The following LOC400499 variants were observed in gnomAD, a reference collection of about 807,000 sequenced individuals.
the LOC400499 span, chr16:11,399,401 A>T: frequency 3.8e-6 from 2 of 520,670 alleles, no homozygotes. Context: ...GTGGCCCCAG[A>T]GCTGGACGCT....
At chr16:11,460,696 C>T in the LOC400499 span, 5 of 1,448,410 alleles carry the variant, frequency 3.5e-6, no homozygotes, top group Non-Finnish European at 4.5e-6. Flanking sequence ...CCCGGCCCAG[C>T]CTGGCCTCAG....
chr16:11,510,651 T>A, the LOC400499 span, among the ~76,000 whole-genome samples: 1 of 151,596 alleles, frequency 6.6e-6, no homozygotes, highest in Non-Finnish European at 1.5e-5. Flanking sequence ...GAGTTGACCA[T>A]GATCACAGGC....
the LOC400499 span, among the ~76,000 whole-genome samples, chr16:11,436,268 A>C: frequency 6.6e-6 from 1 of 152,204 alleles, no homozygotes; most frequent in Admixed American, 6.5e-5. Flanking sequence ...ACTCCTCCAC[A>C]GAAAAGGAGG....
the LOC400499 span, chr16:11,471,482 A>T: frequency 7.6e-6 from 3 of 396,250 alleles, no homozygotes; most frequent in Non-Finnish European, 1.3e-5. Flanking sequence ...TGCATCATAC[A>T]GCCCCAGATG....
At chr16:11,498,167 A>G in the LOC400499 span, among the ~76,000 whole-genome samples, 1 of 152,180 alleles carries the variant, frequency 6.6e-6, no homozygotes, top group Non-Finnish European at 1.5e-5. Context: ...CAACATGAAG[A>G]ACTTTTGTTC....
At chr16:11,393,549 G>T in the LOC400499 span, 1 of 1,232,420 alleles carries the variant, frequency 8.1e-7, no homozygotes, top group Admixed American at 4.2e-5. Context: ...CTGAGCCTTG[G>T]AGCCACGAAG....
chr16:11,450,713 C>A, the LOC400499 span: 1 of 1,536,172 alleles, frequency 6.5e-7, no homozygotes, highest in Non-Finnish European at 8.7e-7. Flanking sequence ...AGGGTCCAGG[C>A]CTTGCCCAGC....
chr16:11,462,223 C>G, the LOC400499 span: 23 of 1,534,140 alleles, frequency 1.5e-5, no homozygotes, highest in African/African-American at 1.8e-4. Context: ...CGGGGCTGCC[C>G]CCCGTCACCA....
the LOC400499 span, chr16:11,487,225 A>G: frequency 2.5e-6 from 1 of 398,708 alleles, no homozygotes. Context: ...AGTCTAGGAG[A>G]GGCCCTGCAG....
At chr16:11,402,119 T>C in the LOC400499 span, 1 of 398,952 alleles carries the variant, frequency 2.5e-6, no homozygotes, top group Non-Finnish European at 4.4e-6. Flanking sequence ...GAGGCTGCAG[T>C]GTCGCGGCAG....
chr16:11,456,382 T>G, the LOC400499 span, among the ~76,000 whole-genome samples: 1 of 151,396 alleles, frequency 6.6e-6, no homozygotes, highest in Non-Finnish European at 1.5e-5. Flanking sequence ...CAGACAGTGT[T>G]TTCGAGACAC....
At chr16:11,473,970 C>T in the LOC400499 span, among the ~76,000 whole-genome samples, 4 of 152,184 alleles carry the variant, frequency 2.6e-5, no homozygotes, top group African/African-American at 9.7e-5. Context: ...GACTTCCTGT[C>T]AGCCTTCCAA....
the LOC400499 span, among the ~76,000 whole-genome samples, chr16:11,466,973 G>A: frequency 4.6e-5 from 7 of 151,912 alleles, no homozygotes; most frequent in Non-Finnish European, 8.8e-5. Flanking sequence ...ATATTTTTGA[G>A]ACGCAGTCTT....
chr16:11,425,448 G>A, the LOC400499 span: 7 of 399,094 alleles, frequency 1.8e-5, no homozygotes, highest in Middle Eastern at 6.2e-4. Flanking sequence ...AGAGAATGGT[G>A]GAGAAGAACA....
the LOC400499 span, among the ~76,000 whole-genome samples, chr16:11,387,610 C>G: frequency 6.6e-6 from 1 of 150,386 alleles, no homozygotes; most frequent in Non-Finnish European, 1.5e-5. Flanking sequence ...GTGGGGATGC[C>G]GAGGACAGGA....
the LOC400499 span, among the ~76,000 whole-genome samples, chr16:11,492,159 C>A: frequency 6.6e-6 from 1 of 152,144 alleles, no homozygotes; most frequent in Non-Finnish European, 1.5e-5. Context: ...ACACAGGAGG[C>A]CTTTAAATGT....
chr16:11,458,864 G>A, the LOC400499 span, among the ~76,000 whole-genome samples: 3 of 151,630 alleles, frequency 2.0e-5, no homozygotes, highest in South Asian at 6.2e-4. Context: ...GAGAAATCCC[G>A]TCTCTACTAA....
the LOC400499 span, among the ~76,000 whole-genome samples, chr16:11,479,870 C>T: frequency 2.6e-5 from 4 of 152,288 alleles, no homozygotes; most frequent in African/African-American, 4.8e-5. Context: ...CACTGCGTCT[C>T]GTTGCTGTAT....
At chr16:11,425,745 C>T in the LOC400499 span, among the ~76,000 whole-genome samples, 24 of 152,294 alleles carry the variant, frequency 1.6e-4, 1 homozygote, top group East Asian at 1.2e-3. Context: ...ACGCTCCAGA[C>T]GTCTTCGCTG....
Sources: gnomAD v4.1 joint callset for allele counts (sites outside exome capture counted in the v4.1 genomes callset) on GRCh38, gnomAD v4.1.1 for gene constraint, MANE v1.5 for transcripts.